Variants in RAPGEF4 observed in about 807,000 individuals in gnomAD.
RAPGEF4 encodes RAP guanine-nucleotide-exchange factor (GEF) 4.
Under a neutral mutation model 147.9 loss-of-function variants are expected in RAPGEF4, and 66 were observed. That is an observed-to-expected ratio of 0.45 (90% CI 0.37 to 0.55). The LOEUF is 0.55. Ranked by LOEUF, RAPGEF4 falls within the 20% of genes least tolerant of loss-of-function variation. The pLI, the probability that RAPGEF4 is intolerant of heterozygous loss-of-function variation, is 0.00. For synonymous variants in RAPGEF4, 419 were observed against 442.7 expected (o/e 0.95, Z 0.67); for missense variants, 1,071 against 1,257.3 (o/e 0.85, Z 2.24).
At chr2:172,881,029 A>G (rs146711733) in intron 4 of RAPGEF4, among the ~76,000 whole-genome samples, 53 of 152,344 alleles carry the variant, frequency 3.5e-4, no homozygotes, top group African/African-American at 1.1e-3. Context: ...CTGAAACAAT[A>G]TAATGAGCAT....
chr2:173,001,307 A>C lies in RAPGEF4; in HGVS notation c.1621A>C (p.Met541Leu). The C allele has an allele frequency of 6.2e-7, 1 of 1,613,860 alleles. No individual in the cohort carries two copies. The highest frequency in any genetic ancestry group is 8.5e-7 in the Non-Finnish European group (1 of 1,179,922). The change falls in exon 17 of 31, where the codon ATG becomes CTG. Residue 541 changes from methionine to leucine, a missense_variant. By Grantham distance (15) the Met-to-Leu change is conservative. Transcript: ENST00000397081. Reference protein sequence around the residue: ...NDFIMMHCVFMPNTQLCPALV... With the variant: ...NDFIMMHCVFLPNTQLCPALV... Reference sequence around the variant, plus strand: ...CTTTATTATGATGCACTGTGTTTTTATGCCAAATACCCAGCTTTGCCCGGC... The same window carrying C: ...CTTTATTATGATGCACTGTGTTTTTCTGCCAAATACCCAGCTTTGCCCGGC...
chr2:173,021,896 C>T (rs988433728), intron 23 of RAPGEF4, among the ~76,000 whole-genome samples: 3 of 152,164 alleles, frequency 2.0e-5, no homozygotes, highest in African/African-American at 7.2e-5. Context: ...CTGCTAATCC[C>T]TCATCCATCA....
chr2:172,897,781 A>G (rs919735300), intron 4 of RAPGEF4, among the ~76,000 whole-genome samples: 23 of 19,616 alleles, frequency 1.2e-3, no homozygotes, highest in African/African-American at 4.8e-3. Context: ...TTATAGAGCA[A>G]ACATCAGCCA....
intron 4 of RAPGEF4, among the ~76,000 whole-genome samples, chr2:172,888,872 T>G (rs1366383762): frequency 6.6e-6 from 1 of 152,186 alleles, no homozygotes; most frequent in Non-Finnish European, 1.5e-5. Context: ...GCTGGATGCT[T>G]CATGCTCTCC....
At chr2:173,023,829 G>T (rs1696355591) in intron 23 of RAPGEF4, among the ~76,000 whole-genome samples, 1 of 152,218 alleles carries the variant, frequency 6.6e-6, no homozygotes, top group South Asian at 2.1e-4. Context: ...AGAGCAAACA[G>T]CAGGAATAAC....
At chr2:172,756,944 C>T (rs1285035796) in intron 1 of RAPGEF4, among the ~76,000 whole-genome samples, 1 of 152,172 alleles carries the variant, frequency 6.6e-6, no homozygotes, top group Admixed American at 6.5e-5. Context: ...AACCCTAATC[C>T]TAATGCACCT....
intron 3 of RAPGEF4, among the ~76,000 whole-genome samples, chr2:172,799,732 A>C (rs1482007005): frequency 1.6e-4 from 25 of 152,208 alleles, no homozygotes; most frequent in Admixed American, 1.5e-3. Flanking sequence ...AAGGGAAGCA[A>C]GATGAGAATT....
chr2:172,781,265 G>A (rs2149511028), intron 1 of RAPGEF4, among the ~76,000 whole-genome samples: 1 of 152,218 alleles, frequency 6.6e-6, no homozygotes, highest in East Asian at 1.9e-4. Flanking sequence ...TGGCCCTTCT[G>A]GCAGGCTGGG....
chr2:172,905,384 G>A (rs540769515), intron 4 of RAPGEF4, among the ~76,000 whole-genome samples: 1 of 152,328 alleles, frequency 6.6e-6, no homozygotes, highest in South Asian at 2.1e-4. Context: ...CTAAATGAGT[G>A]TGGATTTATT....
At chr2:172,986,264 G>A (rs773176785) in intron 12 of RAPGEF4, among the ~76,000 whole-genome samples, 21 of 152,324 alleles carry the variant, frequency 1.4e-4, no homozygotes, top group African/African-American at 4.1e-4. Context: ...TGATCACCAC[G>A]TTTAAACCGA....
intron 17 of RAPGEF4, among the ~76,000 whole-genome samples, chr2:173,010,658 G>C (rs1694915034): frequency 1.3e-5 from 2 of 152,092 alleles, no homozygotes; most frequent in African/African-American, 4.8e-5. Flanking sequence ...TTTTTTGTAG[G>C]AGTTAAATAA....
chr2:172,822,094 C>T, intron 4 of RAPGEF4: 1 of 1,252,512 alleles, frequency 8.0e-7, no homozygotes, highest in South Asian at 1.4e-5. Flanking sequence ...TAATTATGTT[C>T]CACCAGACCC....
Position 172,797,580 on chromosome 2 carries a change from G to T in RAPGEF4, c.264G>T (p.Leu88Phe). The change falls in exon 3 of 31, where the codon TTG (leucine) becomes TTT (phenylalanine). Residue 88 changes from leucine to phenylalanine, a missense_variant. Leu to Phe is a conservative substitution (Grantham distance 22). Coordinates refer to ENST00000397081, the MANE Select transcript of RAPGEF4 (RefSeq NM_007023.4). ...GGTATGCTGTCCTGGCAGGGTCTTTGGATGTTAAAGTATCTGAGACCAGCA... is the reference window on the plus strand; with the variant it reads ...GGTATGCTGTCCTGGCAGGGTCTTTTGATGTTAAAGTATCTGAGACCAGCA... ...TNWYAVLAGS[L>F]DVKVSETSSH... 26 of 1,613,702 alleles carry T rather than the reference G, an allele frequency of 1.6e-5. No individual in the cohort carries two copies. The highest frequency in any genetic ancestry group is 2.2e-5 in the Non-Finnish European group (26 of 1,179,786).
intron 3 of RAPGEF4, among the ~76,000 whole-genome samples, chr2:172,800,249 C>T (rs914363774): frequency 6.6e-6 from 1 of 152,182 alleles, no homozygotes; most frequent in African/African-American, 2.4e-5. Context: ...TCATTGACTC[C>T]TACACCCTCT....
At chr2:172,869,267 G>A (rs982039803) in intron 4 of RAPGEF4, among the ~76,000 whole-genome samples, 53 of 152,036 alleles carry the variant, frequency 3.5e-4, no homozygotes, top group African/African-American at 1.2e-3. Context: ...GGTTTATCAT[G>A]GAAAAAACCA....
rs1348451355 is a variant in RAPGEF4 at position 172,876,423 on chromosome 2, A to G, written c.445-41379A>G. Among the ~76,000 whole-genome samples the G allele has an allele frequency of 2.0e-5, 3 of 152,310 alleles. No homozygotes were observed. The East Asian group carries it at 5.8e-4, about 29-fold the overall frequency. Reference sequence around the variant, plus strand: ...CTCTTATTTTTTTGAGATATGTCCCATCAATACCTAATTTATTGAGAGTTT... The same window carrying G: ...CTCTTATTTTTTTGAGATATGTCCCGTCAATACCTAATTTATTGAGAGTTT... On this transcript the variant is annotated intron_variant, in intron 4 of 30. Transcript: ENST00000397081.
At chr2:172,757,480 T>G (rs765097356) in intron 1 of RAPGEF4, among the ~76,000 whole-genome samples, 3 of 152,210 alleles carry the variant, frequency 2.0e-5, no homozygotes, top group Non-Finnish European at 4.4e-5. Context: ...TCTTCCCTAC[T>G]ACTGAGAAGC....
At chr2:172,961,617 A>G (rs996969928) in intron 8 of RAPGEF4, among the ~76,000 whole-genome samples, 6 of 152,242 alleles carry the variant, frequency 3.9e-5, no homozygotes, top group South Asian at 4.1e-4. Flanking sequence ...TTTCATTCAC[A>G]TAACACTGCT....
chr2:172,768,533 A>G (rs894993329), intron 1 of RAPGEF4, among the ~76,000 whole-genome samples: 5 of 152,016 alleles, frequency 3.3e-5, no homozygotes, highest in African/African-American at 1.2e-4. Flanking sequence ...AAGAAAAAAA[A>G]GCTGTGGATT....
Sources: allele counts gnomAD v4.1 joint callset (sites outside exome capture counted in the v4.1 genomes callset), GRCh38; gene constraint gnomAD v4.1.1; transcripts MANE v1.5; gene names NCBI Gene and HGNC (gene_info 2026-07-23, HGNC 2026-07-21).